RANBP2: variants seen among roughly 807,000 people sequenced by gnomAD.
The protein encoded by RANBP2 is RAN binding protein 2, also known as E3 SUMO-protein ligase RanBP2.
RANBP2 carries 57 observed loss-of-function variants against 303.6 expected under a neutral mutation model. The observed-to-expected ratio is 0.19, with a 90% CI of 0.15 to 0.23. The LOEUF is 0.23. Among genes scored for constraint, RANBP2 ranks in the 10% least tolerant of loss-of-function variants. The pLI, the probability that RANBP2 is intolerant of heterozygous loss-of-function variation, is 1.00. For missense variants in RANBP2, 3,138 were observed against 3,780.8 expected (o/e 0.83, Z 4.46); for synonymous variants, 1,167 against 1,301.5 (o/e 0.90, Z 2.23).
chr2:109,006,061 C>T, the RANBP2 span, among the ~76,000 whole-genome samples: 5 of 152,150 alleles, frequency 3.3e-5, no homozygotes, highest in African/African-American at 4.8e-5. Flanking sequence ...GTTCCATTGG[C>T]CCACCGGCAG....
chr2:108,958,102 G>A, the RANBP2 span, among the ~76,000 whole-genome samples: 1 of 152,034 alleles, frequency 6.6e-6, no homozygotes, highest in East Asian at 1.9e-4. Flanking sequence ...CAGACTAAAC[G>A]AACGCACACA....
chr2:108,787,073 A>C (rs931382039), downstream of RANBP2, among the ~76,000 whole-genome samples: 1 of 151,550 alleles, frequency 6.6e-6, no homozygotes, highest in Admixed American at 6.6e-5. Context: ...AGCAGGCGGG[A>C]GGGGCGGGCG....
At chr2:109,129,822 C>T in the RANBP2 span, 2 of 1,537,370 alleles carry the variant, frequency 1.3e-6, no homozygotes, top group Non-Finnish European at 1.7e-6. Context: ...AGCTGCGCTG[C>T]CCCGAGTGCC....
chr2:109,312,930 T>C, the RANBP2 span, among the ~76,000 whole-genome samples: 1 of 152,156 alleles, frequency 6.6e-6, no homozygotes, highest in Non-Finnish European at 1.5e-5. Context: ...GTGTACGTTA[T>C]TGAAGAGCCG....
chr2:108,929,998 A>T, the RANBP2 span: 1 of 1,241,368 alleles, frequency 8.1e-7, no homozygotes, highest in Non-Finnish European at 1.1e-6. Context: ...AGGGAGCGTG[A>T]CCGGCTGGTT....
the RANBP2 span, among the ~76,000 whole-genome samples, chr2:109,482,728 T>A: frequency 6.6e-6 from 1 of 152,204 alleles, no homozygotes; most frequent in Non-Finnish European, 1.5e-5. Flanking sequence ...CACCTCCGGC[T>A]GCTTCCTCTC....
At chr2:109,544,593 T>G in the RANBP2 span, 3 of 970,662 alleles carry the variant, frequency 3.1e-6, no homozygotes, top group Non-Finnish European at 2.4e-6. Flanking sequence ...ATGTAAATTA[T>G]CTTTCATATA....
intron 23 of RANBP2, 114 bp downstream of exon 23, chr2:108,773,160 C>T (rs878872538): frequency 8.6e-7 from 1 of 1,164,586 alleles, no homozygotes; most frequent in Non-Finnish European, 1.2e-6. Context: ...TCTTGTTGCC[C>T]AGGCTGGAGT....
the RANBP2 span, among the ~76,000 whole-genome samples, chr2:108,918,055 T>A: frequency 1.3e-5 from 2 of 151,996 alleles, no homozygotes; most frequent in Middle Eastern, 3.2e-3. Flanking sequence ...TGAATGCACG[T>A]GATGTCTAAA....
At chr2:108,889,914 A>G in the RANBP2 span, among the ~76,000 whole-genome samples, 2 of 151,646 alleles carry the variant, frequency 1.3e-5, no homozygotes, top group Non-Finnish European at 2.9e-5. Context: ...TTCTCTTCCT[A>G]TTTTATGTGA....
the RANBP2 span, chr2:108,906,305 T>G: frequency 6.2e-7 from 1 of 1,614,118 alleles, no homozygotes; most frequent in Non-Finnish European, 8.5e-7. Flanking sequence ...TTTTTCAGCT[T>G]ACCTTCCACG....
chr2:109,510,102 G>A, the RANBP2 span, among the ~76,000 whole-genome samples: 3 of 152,160 alleles, frequency 2.0e-5, no homozygotes, highest in Admixed American at 2.0e-4. Flanking sequence ...TTCGGTTGGC[G>A]GGAACGGTGT....
the RANBP2 span, chr2:108,791,940 T>G: frequency 1.2e-6 from 1 of 852,970 alleles, no homozygotes; most frequent in Non-Finnish European, 1.7e-6. Context: ...AGCTAGGAGA[T>G]AGTTACTGTG....
Position 108,766,050 on chromosome 2 carries a change from G to A in RANBP2, c.5511G>A (p.Val1837=). Residue 1837 remains valine (V), a synonymous_variant, in exon 20 of 29, where the codon GTG becomes GTA. Transcript: ENST00000283195. The stretch of plus-strand genomic sequence containing the variant: ...TGCATGACTCTTCTGGAAGTCAGGT[G>A]GGAACAGGATTTAAAAGTAATTTCT... The part of the protein sequence containing the change: ...MKLHDSSGSQ[V]GTGFKSNFSE... The A allele has an allele frequency of 6.2e-7, 1 of 1,614,156 alleles. No individual in the cohort carries two copies. Among genetic ancestry groups the A allele is most frequent in the Non-Finnish European group, 8.5e-7 (1 of 1,180,012 alleles).
intron 7 of RANBP2, among the ~76,000 whole-genome samples, chr2:108,742,298 A>G (rs1198189929): frequency 6.6e-6 from 1 of 150,698 alleles, no homozygotes; most frequent in Non-Finnish European, 1.5e-5. Flanking sequence ...TGCCCTGCCT[A>G]ATATAAATCT....
the RANBP2 span, among the ~76,000 whole-genome samples, chr2:109,626,206 G>A: frequency 5.4e-5 from 8 of 149,502 alleles, no homozygotes; most frequent in East Asian, 1.2e-3. Flanking sequence ...AGGGCCAGGC[G>A]CAGTGGCTCA....
At chr2:109,733,121 G>C in the RANBP2 span, 1 of 532,630 alleles carries the variant, frequency 1.9e-6, no homozygotes, top group Non-Finnish European at 3.8e-6. Flanking sequence ...GCTGTCTCGG[G>C]AGAGAAATCA....
the RANBP2 span, among the ~76,000 whole-genome samples, chr2:109,028,782 A>G: frequency 1.3e-5 from 2 of 152,044 alleles, no homozygotes; most frequent in South Asian, 4.1e-4. Context: ...AGCAGAACAG[A>G]GCTTAGAGGT....
chr2:109,766,719 A>AG, the RANBP2 span, among the ~76,000 whole-genome samples: 34 of 147,384 alleles, frequency 2.3e-4, 3 homozygotes, highest in South Asian at 6.9e-3. Context: ...TAAGAAAAAA[A>AG]ACCTCTCAAT....
Sources: gnomAD v4.1 joint callset for allele counts (sites outside exome capture counted in the v4.1 genomes callset) on GRCh38, gnomAD v4.1.1 for gene constraint, MANE v1.5 for transcripts, NCBI Gene and HGNC (gene_info 2026-07-23, HGNC 2026-07-21) for gene names.